ARHGAP26: variants seen among roughly 807,000 people sequenced by gnomAD.
The protein encoded by ARHGAP26 is rho GTPase-activating protein 26.
A neutral mutation model predicts 104.8 loss-of-function variants in ARHGAP26; 38 were observed. The observed-to-expected ratio is 0.36, with a 90% CI of 0.28 to 0.48. The LOEUF is 0.48. Among genes scored for constraint, ARHGAP26 ranks in the 20% least tolerant of loss-of-function variants. ARHGAP26 has a pLI of 0.99. For missense variants in ARHGAP26, 704 were observed against 947.9 expected (o/e 0.74, Z 3.38); for synonymous variants, 341 against 340.0 (o/e 1.00, Z -0.03).
intron 1 of ARHGAP26, among the ~76,000 whole-genome samples, chr5:142,798,742 T>TGCATA: frequency 6.6e-6 from 1 of 152,202 alleles, no homozygotes; most frequent in Non-Finnish European, 1.5e-5. Flanking sequence ...TGGTGAACAG[T>TGCATA]TATATATCCC....
At chr5:142,869,857 C>G (rs1397957514) in intron 1 of ARHGAP26, among the ~76,000 whole-genome samples, 1 of 152,170 alleles carries the variant, frequency 6.6e-6, no homozygotes, top group Non-Finnish European at 1.5e-5. Context: ...AGGGCACTTC[C>G]TCTAGTCCCT....
At chr5:143,136,972 A>G (rs1797983834) in intron 19 of ARHGAP26, among the ~76,000 whole-genome samples, 1 of 152,226 alleles carries the variant, frequency 6.6e-6, no homozygotes, top group Non-Finnish European at 1.5e-5. Flanking sequence ...AATGCCAGTC[A>G]TGTACATAAC....
intron 14 of ARHGAP26, among the ~76,000 whole-genome samples, chr5:143,045,435 G>C (rs1451393016): frequency 6.6e-6 from 1 of 152,158 alleles, no homozygotes; most frequent in African/African-American, 2.4e-5. Context: ...AGACCCCTTT[G>C]AAGGGGGAGC....
At chr5:142,926,034 G>A (rs547479033) in intron 10 of ARHGAP26, among the ~76,000 whole-genome samples, 1 of 152,306 alleles carries the variant, frequency 6.6e-6, no homozygotes, top group African/African-American at 2.4e-5. Context: ...TCAGGAATAA[G>A]ATTAGCGTAG....
chr5:143,084,617 T>C (rs1391561950), intron 17 of ARHGAP26, among the ~76,000 whole-genome samples: 2 of 152,204 alleles, frequency 1.3e-5, no homozygotes, highest in Non-Finnish European at 2.9e-5. Flanking sequence ...CATCTTGTGA[T>C]CTGGACACTG....
intron 17 of ARHGAP26, among the ~76,000 whole-genome samples, chr5:143,114,975 G>T (rs1054640904): frequency 6.6e-6 from 1 of 152,102 alleles, no homozygotes. Flanking sequence ...TGGTGGCTTT[G>T]CTTTGGCTCC....
At chr5:142,905,303 A>C (rs1190089708) in intron 8 of ARHGAP26, among the ~76,000 whole-genome samples, 3 of 152,178 alleles carry the variant, frequency 2.0e-5, no homozygotes, top group Non-Finnish European at 4.4e-5. Flanking sequence ...GACACTTCAC[A>C]TGCTCTTTCA....
intron 10 of ARHGAP26, among the ~76,000 whole-genome samples, chr5:142,913,908 T>G (rs1230499546): frequency 6.6e-6 from 1 of 152,200 alleles, no homozygotes; most frequent in Non-Finnish European, 1.5e-5. Flanking sequence ...TAAGCTAGTT[T>G]GACAACATTC....
chr5:143,224,185 C>T lies in ARHGAP26; in HGVS notation c.*1739C>T. 4.4e-6 allele frequency: 1 copy of T among 229,396 alleles called. No individual in the cohort carries two copies. Among genetic ancestry groups the T allele is most frequent in the East Asian group, 6.2e-5 (1 of 16,094 alleles). 14.2% of individuals were successfully genotyped at this position (229,396 alleles called of 1,614,324 possible). On this transcript the variant is annotated 3_prime_UTR_variant, in exon 23 of 23. Transcript: ENST00000645722. ...ATGGCAAAGTTTTATATTTGATATTCTTTAAGTTAGTTGCTCACACACTTA... is the reference window on the plus strand; with the variant it reads ...ATGGCAAAGTTTTATATTTGATATTTTTTAAGTTAGTTGCTCACACACTTA...
At chr5:143,028,056 A>G (rs1317501003) in intron 12 of ARHGAP26, among the ~76,000 whole-genome samples, 1 of 152,218 alleles carries the variant, frequency 6.6e-6, no homozygotes, top group Non-Finnish European at 1.5e-5. Flanking sequence ...GGATGAGCCC[A>G]AGAGTCAGAC....
chr5:142,834,560 G>C (rs1597830604), intron 1 of ARHGAP26, among the ~76,000 whole-genome samples: 1 of 152,224 alleles, frequency 6.6e-6, no homozygotes, highest in Non-Finnish European at 1.5e-5. Flanking sequence ...GGGTGGTTCT[G>C]TTGTCCTCTT....
At chr5:143,167,550 G>A (rs1376276481) in intron 20 of ARHGAP26, among the ~76,000 whole-genome samples, 2 of 143,404 alleles carry the variant, frequency 1.4e-5, no homozygotes, top group African/African-American at 2.7e-5. Context: ...GAATAGGGGC[G>A]CTCAAATGAT....
intron 1 of ARHGAP26, among the ~76,000 whole-genome samples, chr5:142,802,818 G>A (rs1762321165): frequency 6.6e-6 from 1 of 152,160 alleles, no homozygotes; most frequent in South Asian, 2.1e-4. Flanking sequence ...GACATTATTT[G>A]TTTGTTTAAA....
chr5:143,027,582 A>T (rs998372327), intron 12 of ARHGAP26, among the ~76,000 whole-genome samples: 3 of 152,168 alleles, frequency 2.0e-5, no homozygotes, highest in Non-Finnish European at 4.4e-5. Flanking sequence ...TTAAAAAAGA[A>T]ATATATTTTG....
chr5:142,876,427 A>G (rs1756103958), intron 3 of ARHGAP26, among the ~76,000 whole-genome samples: 3 of 152,186 alleles, frequency 2.0e-5, no homozygotes, highest in African/African-American at 7.2e-5. Flanking sequence ...TCACACAGTT[A>G]ATAAGTGATA....
At chr5:142,861,984 T>C (rs1237219448) in intron 1 of ARHGAP26, among the ~76,000 whole-genome samples, 3 of 152,196 alleles carry the variant, frequency 2.0e-5, no homozygotes, top group Non-Finnish European at 2.9e-5. Flanking sequence ...TTCTGATCCT[T>C]GTGTATGGCT....
intron 11 of ARHGAP26, among the ~76,000 whole-genome samples, chr5:142,956,948 C>G (rs770283174): frequency 6.6e-6 from 1 of 152,134 alleles, no homozygotes; most frequent in Non-Finnish European, 1.5e-5. Context: ...ATTATCTCCC[C>G]CTGGGTCCCT....
intron 8 of ARHGAP26, 119 bp from the exon 9 acceptor site, chr5:142,907,585 A>T: frequency 2.0e-6 from 1 of 495,122 alleles, no homozygotes; most frequent in Non-Finnish European, 3.5e-6. Context: ...ATTACTTCTA[A>T]CATAGTTTAA....
chr5:143,223,220 A>G lies in ARHGAP26; in HGVS notation c.*774A>G, dbSNP rs1356274257. On this transcript the variant is annotated 3_prime_UTR_variant, in exon 23 of 23. Transcript: ENST00000645722. Reference sequence around the variant, plus strand: ...TAAAATAACACATCCTCTTTGCATGACACATTTTTTTTCTCCCCTTTTTGG... The same window carrying G: ...TAAAATAACACATCCTCTTTGCATGGCACATTTTTTTTCTCCCCTTTTTGG... The G allele has an allele frequency of 1.3e-5, 3 of 233,092 alleles. No homozygotes were observed. The highest frequency in any genetic ancestry group is 8.5e-6 in the Non-Finnish European group (1 of 117,728). 14.4% of individuals were successfully genotyped at this position (233,092 alleles called of 1,614,324 possible).
Sources: gnomAD v4.1 joint callset for allele counts (sites outside exome capture counted in the v4.1 genomes callset) on GRCh38, gnomAD v4.1.1 for gene constraint, MANE v1.5 for transcripts, NCBI Gene and HGNC (gene_info 2026-07-23, HGNC 2026-07-21) for gene names.